NEGR1: variants seen among roughly 807,000 people sequenced by gnomAD.
NEGR1 encodes IgLON family member 4.
NEGR1 carries 10 observed loss-of-function variants against 40.9 expected under a neutral mutation model. That is an observed-to-expected ratio of 0.24 (90% CI 0.15 to 0.42). The LOEUF (loss-of-function observed/expected upper bound fraction) is 0.42. Among genes scored for constraint, NEGR1 ranks in the 10% least tolerant of loss-of-function variants. NEGR1 has a pLI of 1.00. For synonymous variants in NEGR1, 185 were observed against 166.8 expected (o/e 1.11, Z -0.84); for missense variants, 352 against 438.9 (o/e 0.80, Z 1.77).
At chr1:71,529,867 A>G (rs1384493575) in intron 6 of NEGR1, among the ~76,000 whole-genome samples, 1 of 151,206 alleles carries the variant, frequency 6.6e-6, no homozygotes, top group Non-Finnish European at 1.5e-5. Context: ...ATTATGTACT[A>G]TATTTCATAG....
intron 1 of NEGR1, among the ~76,000 whole-genome samples, chr1:71,991,985 G>A (rs1222720497): frequency 9.9e-5 from 15 of 151,872 alleles, no homozygotes; most frequent in Admixed American, 4.6e-4. Flanking sequence ...TAGTAGAGAC[G>A]GGTTTCACTG....
chr1:72,145,229 G>A (rs758203675), intron 1 of NEGR1, among the ~76,000 whole-genome samples: 1 of 152,076 alleles, frequency 6.6e-6, no homozygotes. Context: ...TCAATTATCT[G>A]AATAGTAAGT....
intron 1 of NEGR1, among the ~76,000 whole-genome samples, chr1:72,273,995 C>CT (rs11383775): frequency 0.24 from 33,995 of 139,512 alleles, 4,519 homozygotes; most frequent in South Asian, 0.32. Context: ...ACGTGTTGTT[C>CT]TTTTTTTTTT....
intron 2 of NEGR1, among the ~76,000 whole-genome samples, chr1:71,790,781 G>A (rs1268979680): frequency 6.6e-6 from 1 of 152,066 alleles, no homozygotes; most frequent in Non-Finnish European, 1.5e-5. Context: ...AAATAATACT[G>A]TTAGGATTTT....
chr1:72,211,334 C>A (rs1653599712), intron 1 of NEGR1, among the ~76,000 whole-genome samples: 1 of 151,502 alleles, frequency 6.6e-6, no homozygotes, highest in Non-Finnish European at 1.5e-5. Context: ...TTTATAAAGC[C>A]TTTATAAAGG....
intron 1 of NEGR1, among the ~76,000 whole-genome samples, chr1:71,986,974 A>G (rs1057468663): frequency 6.6e-6 from 1 of 152,196 alleles, no homozygotes; most frequent in African/African-American, 2.4e-5. Flanking sequence ...CTGCCTTGAT[A>G]TTGGTATTTT....
At chr1:71,630,300 T>C (rs1650930547) in intron 4 of NEGR1, among the ~76,000 whole-genome samples, 1 of 151,990 alleles carries the variant, frequency 6.6e-6, no homozygotes, top group Non-Finnish European at 1.5e-5. Context: ...TGTTTGTTTA[T>C]AAACGATACA....
At chr1:71,687,700 T>C (rs887279689) in intron 4 of NEGR1, among the ~76,000 whole-genome samples, 1 of 152,220 alleles carries the variant, frequency 6.6e-6, no homozygotes, top group Middle Eastern at 3.2e-3. Context: ...GTTATTGAAA[T>C]AGTTTCTTTT....
At chr1:71,737,615 ACT>A (rs1181514424) in intron 3 of NEGR1, among the ~76,000 whole-genome samples, 2 of 152,144 alleles carry the variant, frequency 1.3e-5, no homozygotes, top group Admixed American at 6.6e-5. Flanking sequence ...TTTACTATTA[ACT>A]CTATTAATTT....
chr1:71,521,667 A>C (rs963681182), intron 6 of NEGR1, among the ~76,000 whole-genome samples: 4 of 152,044 alleles, frequency 2.6e-5, no homozygotes, highest in African/African-American at 9.7e-5. Context: ...AATTGTCAGT[A>C]GGTATGAACA....
At chr1:72,225,346 C>G (rs1473373294) in intron 1 of NEGR1, among the ~76,000 whole-genome samples, 1 of 151,736 alleles carries the variant, frequency 6.6e-6, no homozygotes, top group Non-Finnish European at 1.5e-5. Context: ...CATGGTATAT[C>G]TTTTATAATA....
At chr1:72,232,351 G>T (rs899337854) in intron 1 of NEGR1, among the ~76,000 whole-genome samples, 2 of 140,524 alleles carry the variant, frequency 1.4e-5, no homozygotes, top group Non-Finnish European at 3.2e-5. Flanking sequence ...GCCAGATTCT[G>T]TCAAAAAAAA....
chr1:71,439,055 T>C (rs1646529418), intron 6 of NEGR1, among the ~76,000 whole-genome samples: 2 of 152,196 alleles, frequency 1.3e-5, no homozygotes, highest in Non-Finnish European at 2.9e-5. Context: ...TCCCCCATGA[T>C]CTTTTCTTGG....
chr1:71,745,610 T>C (rs1655356283), intron 3 of NEGR1, among the ~76,000 whole-genome samples: 1 of 152,102 alleles, frequency 6.6e-6, no homozygotes, highest in African/African-American at 2.4e-5. Flanking sequence ...GTTTCTGGAC[T>C]GTAAAAATTT....
intron 1 of NEGR1, among the ~76,000 whole-genome samples, chr1:72,264,432 A>T (rs1280301069): frequency 6.6e-6 from 1 of 151,120 alleles, no homozygotes. Context: ...ATTTGTAATA[A>T]ATATTTACAA....
chr1:71,971,841 T>C (rs1468336317), intron 1 of NEGR1, among the ~76,000 whole-genome samples: 1 of 152,216 alleles, frequency 6.6e-6, no homozygotes, highest in Admixed American at 6.5e-5. Flanking sequence ...TATCATAATA[T>C]TTTCAAATGT....
At chr1:71,594,528 A>G (rs1233423839) in intron 5 of NEGR1, among the ~76,000 whole-genome samples, 3 of 152,224 alleles carry the variant, frequency 2.0e-5, no homozygotes, top group Non-Finnish European at 4.4e-5. Flanking sequence ...CCCAAATGCA[A>G]ACTTTAATCA....
intron 1 of NEGR1, among the ~76,000 whole-genome samples, chr1:72,179,840 C>T (rs1471780310): frequency 6.6e-6 from 1 of 151,418 alleles, no homozygotes; most frequent in South Asian, 2.1e-4. Context: ...AAGTGAAATA[C>T]CTGCACACTG....
intron 2 of NEGR1, among the ~76,000 whole-genome samples, chr1:71,792,507 G>A (rs755837275): frequency 6.6e-6 from 1 of 151,954 alleles, no homozygotes; most frequent in Non-Finnish European, 1.5e-5. Flanking sequence ...TCTCTGTATT[G>A]TTTTTCATTT....
Sources: gnomAD v4.1 joint callset for allele counts (sites outside exome capture counted in the v4.1 genomes callset) on GRCh38, gnomAD v4.1.1 for gene constraint, MANE v1.5 for transcripts, NCBI Gene and HGNC (gene_info 2026-07-23, HGNC 2026-07-21) for gene names.